The following RDH12 variants were observed in gnomAD, a reference collection of about 807,000 sequenced individuals.
The protein encoded by RDH12 is all-trans and 9-cis retinol dehydrogenase.
In RDH12, 21 loss-of-function variants were observed where a neutral mutation model predicts 34.0. The observed-to-expected ratio is 0.62, with a 90% CI of 0.44 to 0.89. The LOEUF (loss-of-function observed/expected upper bound fraction) is 0.89. RDH12 is among the 40% of genes least tolerant of loss of function. The probability of loss-of-function intolerance (pLI) is 0.00; values close to 1 mark genes in which losing one functional copy is unlikely to be tolerated. For synonymous variants in RDH12, 198 were observed against 169.9 expected (o/e 1.17, Z -1.29); for missense variants, 394 against 398.6 (o/e 0.99, Z 0.10).
intron 1 of RDH12, among the ~76,000 whole-genome samples, chr14:67,716,287 T>C (rs922699803): frequency 3.3e-5 from 5 of 151,580 alleles, no homozygotes; most frequent in Non-Finnish European, 7.4e-5. Context: ...GCAAATATAG[T>C]GTATGGGAGC....
At position 67,733,813 on chromosome 14, in the gene RDH12, G is replaced by A; in HGVS notation, c.916G>A (p.Val306Ile). 1 of 1,613,422 alleles carries A rather than the reference G, an allele frequency of 6.2e-7. No homozygotes were observed. The highest frequency in any genetic ancestry group is 2.2e-5 in the East Asian group (1 of 44,852). Residue 306 changes from valine to isoleucine, a missense_variant, in exon 9 of 9, where the codon GTC becomes ATC. Transcript: ENST00000551171. ...NNKTAERLWN[V>I]SCELLGIRWE Reference sequence around the variant, plus strand: ...CAAAACAGCTGAGCGCCTATGGAATGTCAGCTGTGAGCTTCTAGGAATCCG... The same window carrying A: ...CAAAACAGCTGAGCGCCTATGGAATATCAGCTGTGAGCTTCTAGGAATCCG...
At chr14:67,731,319 A>G (rs2140156189) in intron 8 of RDH12, among the ~76,000 whole-genome samples, 1 of 144,176 alleles carries the variant, frequency 6.9e-6, no homozygotes, top group East Asian at 2.1e-4. Flanking sequence ...GGTTCAAGGG[A>G]TCCTCCTGCC....
At chr14:67,704,788 C>T (rs535979681) in intron 1 of RDH12, among the ~76,000 whole-genome samples, 1 of 152,348 alleles carries the variant, frequency 6.6e-6, no homozygotes, top group Admixed American at 6.5e-5. Flanking sequence ...TTCATAGCAG[C>T]AGCTCTCGTT....
intron 1 of RDH12, among the ~76,000 whole-genome samples, chr14:67,717,575 C>T (rs1398384617): frequency 6.6e-6 from 1 of 152,252 alleles, no homozygotes; most frequent in Non-Finnish European, 1.5e-5. Context: ...TTTAGGCCTA[C>T]ATTCTGGAGG....
chr14:67,726,883 A>T (rs1456869196), intron 6 of RDH12, 98 bp from the exon 7 acceptor site: 1 of 1,091,548 alleles, frequency 9.2e-7, no homozygotes, highest in African/African-American at 1.5e-5. Flanking sequence ...GTTCACACCC[A>T]GAAGATAGTG....
intron 8 of RDH12, chr14:67,729,632 G>T (rs2038241480): frequency 1.6e-6 from 1 of 618,718 alleles, no homozygotes; most frequent in Admixed American, 2.6e-5. Context: ...GCAGCTTTCT[G>T]AAAGCTTTTA....
chr14:67,730,556 C>A (rs1338146910), intron 8 of RDH12, among the ~76,000 whole-genome samples: 1 of 152,182 alleles, frequency 6.6e-6, no homozygotes, highest in African/African-American at 2.4e-5. Context: ...AAGTACAATG[C>A]AAATATTTCA....
At chr14:67,718,000 T>A (rs2038085773) in intron 1 of RDH12, 1 of 152,198 alleles carries the variant, frequency 6.6e-6, no homozygotes, top group Non-Finnish European at 1.5e-5. Context: ...CAAAAATTCT[T>A]TTTCTTTGAG....
At chr14:67,722,892 G>A (rs74061508) in intron 3 of RDH12, among the ~76,000 whole-genome samples, 182 bp downstream of exon 3, 4,496 of 152,286 alleles carry the variant, frequency 0.03, 93 homozygotes, top group Middle Eastern at 0.048. Context: ...AAGCATCTGC[G>A]GCCGGGCAGA....
At chr14:67,703,052 G>A (rs866519546) in intron 1 of RDH12, among the ~76,000 whole-genome samples, 7 of 152,096 alleles carry the variant, frequency 4.6e-5, no homozygotes, top group Admixed American at 1.3e-4. Flanking sequence ...GCTCCTGGGC[G>A]CAAATGATCC....
intron 5 of RDH12, 104 bp downstream of exon 5, chr14:67,725,358 C>A: frequency 8.3e-7 from 1 of 1,204,038 alleles, no homozygotes; most frequent in Non-Finnish European, 1.2e-6. Flanking sequence ...TCATCCACCC[C>A]ACTAGACAGG....
chr14:67,709,554 A>G (rs2037987460), intron 1 of RDH12, among the ~76,000 whole-genome samples: 1 of 152,194 alleles, frequency 6.6e-6, no homozygotes, highest in Non-Finnish European at 1.5e-5. Context: ...ATGTAGAGAA[A>G]CAGAACTTGT....
intron 1 of RDH12, among the ~76,000 whole-genome samples, chr14:67,704,375 G>A (rs547859210): frequency 6.6e-6 from 1 of 152,130 alleles, no homozygotes; most frequent in Non-Finnish European, 1.5e-5. Context: ...TTAGAAGCTT[G>A]TAGGTGTTAT....
intron 3 of RDH12, 47 bp downstream of exon 3, chr14:67,722,757 A>C (rs746889914): frequency 6.8e-7 from 1 of 1,465,018 alleles, no homozygotes; most frequent in South Asian, 1.1e-5. Context: ...AAAGACCTGC[A>C]CTGGAAGCCG....
chr14:67,731,479 TGCTGGGATTGCAGGCGTGA>T (rs1278229699), intron 8 of RDH12, among the ~76,000 whole-genome samples: 1 of 152,048 alleles, frequency 6.6e-6, no homozygotes, highest in Non-Finnish European at 1.5e-5. Flanking sequence ...CCTCCCAAAG[TGCTGGGATTGCAGGCGTGA>T]GCCACTGCGC....
At chr14:67,704,022 C>T (rs554178682) in intron 1 of RDH12, among the ~76,000 whole-genome samples, 1 of 152,304 alleles carries the variant, frequency 6.6e-6, no homozygotes, top group Non-Finnish European at 1.5e-5. Context: ...AAATATTAAT[C>T]TCTCAGTTTA....
At chr14:67,727,412 C>A in intron 7 of RDH12, 1 of 534,028 alleles carries the variant, frequency 1.9e-6, no homozygotes, top group Non-Finnish European at 3.4e-6. Flanking sequence ...GTATTTGTGT[C>A]ACATCTTATC....
chr14:67,720,714 G>A (rs932596174), intron 1 of RDH12, 134 bp from the exon 2 acceptor site: 1 of 152,130 alleles, frequency 6.6e-6, no homozygotes, highest in African/African-American at 2.4e-5. Context: ...GTATGGTTTA[G>A]CATTTTGGTA....
chr14:67,726,360 C>T (rs935827269), intron 6 of RDH12, among the ~76,000 whole-genome samples: 6 of 152,172 alleles, frequency 3.9e-5, no homozygotes, highest in African/African-American at 1.4e-4. Context: ...CATTAAGAAG[C>T]CCCAAATTTC....
Sources: gnomAD v4.1 joint callset for allele counts (sites outside exome capture counted in the v4.1 genomes callset) on GRCh38, gnomAD v4.1.1 for gene constraint, MANE v1.5 for transcripts, NCBI Gene and HGNC (gene_info 2026-07-23, HGNC 2026-07-21) for gene names.